The following NDRG2 variants were observed in gnomAD, a reference collection of about 807,000 sequenced individuals.
NDRG2 encodes protein NDRG2.
Under a neutral mutation model 58.2 loss-of-function variants are expected in NDRG2, and 34 were observed. The observed-to-expected ratio is 0.58, with a 90% CI of 0.44 to 0.78. The LOEUF is 0.78. Among genes scored for constraint, NDRG2 ranks in the 30% least tolerant of loss-of-function variants. The pLI, the probability that NDRG2 is intolerant of heterozygous loss-of-function variation, is 0.00. For synonymous variants in NDRG2, 187 were observed against 175.9 expected (o/e 1.06, Z -0.50); for missense variants, 434 against 471.2 (o/e 0.92, Z 0.73).
Position 21,017,374 on chromosome 14 carries a change from G to A in NDRG2, c.*222C>T, listed in dbSNP as rs1594360533. 1 of 595,142 alleles carries A rather than the reference G, an allele frequency of 1.7e-6. No homozygotes were observed. Among genetic ancestry groups the A allele is most frequent in the Non-Finnish European group, 3.0e-6 (1 of 338,154 alleles). The allele number at this position is 595,142 out of a possible 1,614,324, so 36.9% of individuals were successfully genotyped here. Reference sequence around the variant, plus strand: ...AAAATGGGGGAGGAGGAGAATTTAGGGGTCTGGGTCCCTAAGAGATATTAG... The same window carrying A: ...AAAATGGGGGAGGAGGAGAATTTAGAGGTCTGGGTCCCTAAGAGATATTAG... On this transcript the variant is annotated 3_prime_UTR_variant, in exon 16 of 16. Transcript: ENST00000556147.
At chr14:21,067,467 C>T (rs569893511) in intron 1 of NDRG2, among the ~76,000 whole-genome samples, 17 of 152,108 alleles carry the variant, frequency 1.1e-4, no homozygotes, top group African/African-American at 2.2e-4. Context: ...TTACTGGTTG[C>T]GACTGAAGCC....
At position 21,022,427 on chromosome 14, in the gene NDRG2, G is replaced by A; in HGVS notation, c.188C>T (p.Pro63Leu). ...TVYGTPKPKR[P>L]AILTYHDVGL... ...CACATCGTGGTAGGTAAGGATCGCTGGGCGTTTGGGTTTGGGGGTGCCATA... is the reference window on the plus strand; with the variant it reads ...CACATCGTGGTAGGTAAGGATCGCTAGGCGTTTGGGTTTGGGGGTGCCATA... Residue 63 changes from proline to leucine, a missense_variant, in exon 4 of 16, where the codon CCA (proline) becomes CTA (leucine). Coordinates refer to ENST00000556147, the MANE Select transcript of NDRG2 (RefSeq NM_001320329.2). The A allele has an allele frequency of 6.2e-7, 1 of 1,614,068 alleles. No individual in the cohort carries two copies. The highest frequency in any genetic ancestry group is 1.3e-5 in the African/African-American group (1 of 75,022).
At chr14:21,057,901 G>T (rs765831124) in intron 1 of NDRG2, 1 of 1,613,602 alleles carries the variant, frequency 6.2e-7, no homozygotes, top group East Asian at 2.2e-5. Flanking sequence ...AGATGGCACC[G>T]GCCAGAGCAG....
At chr14:21,040,331 G>A (rs970388587) in intron 1 of NDRG2, among the ~76,000 whole-genome samples, 4 of 151,998 alleles carry the variant, frequency 2.6e-5, no homozygotes, top group African/African-American at 9.7e-5. Flanking sequence ...CCTTCATCCT[G>A]ACCCCCAACC....
chr14:21,045,624 GAT>G (rs1475542663), intron 1 of NDRG2, among the ~76,000 whole-genome samples: 2 of 152,018 alleles, frequency 1.3e-5, no homozygotes, highest in Non-Finnish European at 2.9e-5. Context: ...CTTTCTTATG[GAT>G]AATATGGTTT....
At chr14:21,049,681 G>A (rs1217958447) in intron 1 of NDRG2, among the ~76,000 whole-genome samples, 1 of 151,888 alleles carries the variant, frequency 6.6e-6, no homozygotes, top group Non-Finnish European at 1.5e-5. Flanking sequence ...GAATAATTTA[G>A]GCAAGAACTC....
chr14:21,028,317 T>C (rs1470596172), upstream of NDRG2: 4 of 152,222 alleles, frequency 2.6e-5, 1 homozygote, highest in Middle Eastern at 6.8e-3. Flanking sequence ...GCTGACACAA[T>C]CCTAGTTCAC....
chr14:21,063,396 T>A (rs1886078228), intron 1 of NDRG2, among the ~76,000 whole-genome samples: 2 of 152,178 alleles, frequency 1.3e-5, no homozygotes, highest in Non-Finnish European at 2.9e-5. Flanking sequence ...AATGTAACAA[T>A]TACTTGGAAT....
chr14:21,034,283 T>C, intron 1 of NDRG2: 1 of 1,608,326 alleles, frequency 6.2e-7, no homozygotes, highest in Non-Finnish European at 8.5e-7. Flanking sequence ...TCACAGCTGG[T>C]GCCATTCCTC....
rs1461977697 is a variant in NDRG2, at chr14:21,016,931, A to C, written c.*665T>G. 4.4e-6 allele frequency: 2 copies of C among 456,236 alleles called. No individual in the cohort carries two copies. Among genetic ancestry groups the C allele is most frequent in the African/African-American group, 4.0e-5 (2 of 49,922 alleles). The allele number at this position is 456,236 out of a possible 1,614,324, so 28.3% of individuals were successfully genotyped here. A position where few individuals can be genotyped will look rare whatever the true frequency, so the allele number is the denominator to read the frequency against. On this transcript the variant is annotated 3_prime_UTR_variant, in exon 16 of 16. Coordinates refer to ENST00000556147, the MANE Select transcript of NDRG2 (RefSeq NM_001320329.2). ...CAAGCTTAGCTCCCTCCCCAGTCCC[A>C]CTCTAGATGCACACTGAGCTACCAA...
intron 1 of NDRG2, among the ~76,000 whole-genome samples, chr14:21,069,170 T>A (rs920781848): frequency 6.6e-6 from 1 of 152,046 alleles, no homozygotes; most frequent in East Asian, 1.9e-4. Flanking sequence ...GCAGGGCATC[T>A]CCCCGCCGTG....
Position 21,019,654 on chromosome 14 carries a change from C to T in NDRG2, c.701G>A (p.Trp234Ter). ...APNLDNIELYWNSYNNRRDLN... is the reference protein window; with the variant it reads ...APNLDNIELY ...GCCCACCCACTTGTTGTAGCTGTTCCAGTACAATTCAATGTTATCCAGGTT... is the reference window on the plus strand; with the variant it reads ...GCCCACCCACTTGTTGTAGCTGTTCTAGTACAATTCAATGTTATCCAGGTT... The change falls in exon 10 of 16, where the codon TGG becomes TAG. Residue 234 changes from tryptophan (W) to a stop codon, truncating the protein, a stop_gained. Coordinates refer to ENST00000556147, the MANE Select transcript of NDRG2 (RefSeq NM_001320329.2). LOFTEE classifies it high-confidence loss of function. 1 of 1,611,366 alleles carries T rather than the reference C, an allele frequency of 6.2e-7. No individual in the cohort carries two copies. The highest frequency in any genetic ancestry group is 8.5e-7 in the Non-Finnish European group (1 of 1,177,636).
chr14:21,021,130 T>C (rs1010573708), intron 6 of NDRG2: 1 of 576,072 alleles, frequency 1.7e-6, no homozygotes, highest in Non-Finnish European at 3.3e-6. Flanking sequence ...TTTTCCCATA[T>C]AGATAGCTCT....
At chr14:21,023,449 T>A in intron 1 of NDRG2, 128 bp from the exon 2 acceptor site, 1 of 759,448 alleles carries the variant, frequency 1.3e-6, no homozygotes, top group Non-Finnish European at 2.2e-6. Flanking sequence ...AAGACTACTC[T>A]AGAACACACA....
chr14:21,023,073 G>C, intron 2 of NDRG2, 168 bp from the exon 3 acceptor site: 3 of 952,870 alleles, frequency 3.1e-6, no homozygotes, highest in Non-Finnish European at 3.3e-6. Flanking sequence ...GTGTAGTGAC[G>C]AGACAAGGGC....
At chr14:21,026,951 A>G (rs532414620), upstream of NDRG2, among the ~76,000 whole-genome samples, 2 of 152,262 alleles carry the variant, frequency 1.3e-5, no homozygotes, top group South Asian at 4.1e-4. Context: ...GCCTCGAGTG[A>G]GAACTTTTGC....
chr14:21,064,919 C>T lies in NDRG2; in HGVS notation c.24+5909G>A, dbSNP rs373260885. ...GGCATGGTGGCTCATGCCTGTAATC[C>T]CAGCACTTTGGGAGGCAGAGGCAGG... On this transcript the variant is annotated intron_variant, in intron 1 of 14. Transcript: ENST00000403829. 3.3e-5 allele frequency among the ~76,000 whole-genome samples: 5 copies of T among 152,166 alleles called. No homozygotes were observed. The East Asian group carries it at 7.7e-4, about 23-fold the overall frequency.
At chr14:21,019,462 C>T (rs564700035) in intron 10 of NDRG2, among the ~76,000 whole-genome samples, 177 bp downstream of exon 10, 2 of 152,242 alleles carry the variant, frequency 1.3e-5, no homozygotes, top group East Asian at 3.9e-4. Flanking sequence ...GGGGACAGCC[C>T]CTTGCAATCC....
intron 1 of NDRG2, among the ~76,000 whole-genome samples, chr14:21,061,314 A>T (rs931749488): frequency 6.6e-6 from 1 of 152,214 alleles, no homozygotes; most frequent in Non-Finnish European, 1.5e-5. Flanking sequence ...GAGTGTGAAA[A>T]GCATTCAGAG....
Sources: gnomAD v4.1 joint callset for allele counts (sites outside exome capture counted in the v4.1 genomes callset) on GRCh38, gnomAD v4.1.1 for gene constraint, MANE v1.5 for transcripts, NCBI Gene and HGNC (gene_info 2026-07-23, HGNC 2026-07-21) for gene names.